AHCTF1: variants seen among roughly 807,000 people sequenced by gnomAD.
AHCTF1 encodes AT-hook containing transcription factor 1.
A neutral mutation model predicts 248.4 loss-of-function variants in AHCTF1; 24 were observed. That is an observed-to-expected ratio of 0.10 (90% CI 0.07 to 0.14). The LOEUF (loss-of-function observed/expected upper bound fraction) is 0.14, where lower values mean the gene tolerates loss of function less well. AHCTF1 is among the 10% of genes least tolerant of loss of function. The probability of loss-of-function intolerance (pLI) is 1.00; values close to 1 mark genes in which losing one functional copy is unlikely to be tolerated. For missense variants in AHCTF1, 2,206 were observed against 2,636.2 expected, an observed-to-expected ratio of 0.84 and a Z score of 3.57; for synonymous variants, 786 against 929.8, an observed-to-expected ratio of 0.85 and a Z score of 2.81.
chr1:246,901,819 C>T lies in AHCTF1; in HGVS notation c.1117+706G>A, dbSNP rs747442353. 1.5e-3 allele frequency among the ~76,000 whole-genome samples: 233 copies of T among 151,976 alleles called. 4 individuals carry two copies. Among genetic ancestry groups the T allele is most frequent in the Admixed American group, 9.8e-4 (15 of 15,266 alleles). ...GACTGGCCTGGGCATCAGAGTGAGACCCCTGTCTCTAAATAAATAAACAAA... is the reference window on the plus strand; with the variant it reads ...GACTGGCCTGGGCATCAGAGTGAGATCCCTGTCTCTAAATAAATAAACAAA... On this transcript the variant is annotated intron_variant, in intron 8 of 35. Coordinates refer to ENST00000648844, the MANE Select transcript of AHCTF1 (RefSeq NM_001323342.2).
At position 246,869,061 on chromosome 1, in the gene AHCTF1, G is replaced by C. The variant is rs761634146; in HGVS notation, c.3089-1250C>G. ...GGGTTTCACCATGTTGGCCAGGATG[G>C]TCTCGATCTCCTGACCTCGTGATCC... On this transcript the variant is annotated intron_variant, in intron 24 of 35. Transcript: ENST00000648844. Among the ~76,000 whole-genome samples the C allele has an allele frequency of 2.0e-5, 3 of 151,430 alleles. No individual in the cohort carries two copies. The South Asian group carries it at 6.3e-4, about 32-fold the overall frequency.
At chr1:246,909,079 A>ATATCTATCTATC (rs10657928) in intron 4 of AHCTF1, among the ~76,000 whole-genome samples, 3,500 of 143,258 alleles carry the variant, frequency 0.024, 64 homozygotes, top group South Asian at 0.031. Flanking sequence ...ATATATATCT[A>ATATCTATCTATC]TATCTATCTA....
At chr1:246,915,643 C>A (rs535013397) in intron 3 of AHCTF1, among the ~76,000 whole-genome samples, 2 of 152,324 alleles carry the variant, frequency 1.3e-5, no homozygotes, top group African/African-American at 4.8e-5. Flanking sequence ...TCCCACTAGA[C>A]TATAAGCTCT....
intron 7 of AHCTF1, among the ~76,000 whole-genome samples, chr1:246,903,138 G>A (rs1192857390): frequency 6.6e-6 from 1 of 152,134 alleles, no homozygotes; most frequent in Non-Finnish European, 1.5e-5. Context: ...CTGATTCCCT[G>A]AAACCCGTTT....
At chr1:246,859,181 C>G (rs1661337989) in intron 29 of AHCTF1, among the ~76,000 whole-genome samples, 1 of 152,164 alleles carries the variant, frequency 6.6e-6, no homozygotes, top group African/African-American at 2.4e-5. Context: ...ATATCGTAGT[C>G]CAAACTTCAG....
At chr1:246,869,024 T>C (rs1353220681) in intron 24 of AHCTF1, among the ~76,000 whole-genome samples, 2 of 151,600 alleles carry the variant, frequency 1.3e-5, no homozygotes, top group East Asian at 1.9e-4. Flanking sequence ...TTTTCTATTT[T>C]TAGTAGAGAC....
Position 246,855,800 on chromosome 1 carries a change from T to C in AHCTF1, c.4284A>G (p.Val1428=), listed in dbSNP as rs574849186. The change falls in exon 31 of 36, where the codon GTA becomes GTG. Residue 1428 remains valine, a synonymous_variant. Coordinates refer to ENST00000648844, the MANE Select transcript of AHCTF1 (RefSeq NM_001323342.2). Reference sequence around the variant, plus strand: ...ATGTTAATCCTTCGTCCAACACTGGTACCTTGGACTTCTGGGTGAAGATTT... The same window carrying C: ...ATGTTAATCCTTCGTCCAACACTGGCACCTTGGACTTCTGGGTGAAGATTT... The part of the protein sequence containing the change: ...EGKIFTQKSK[V]PVLDEGLTSV... 4.3e-6 allele frequency: 7 copies of C among 1,613,304 alleles called. No homozygotes were observed. In the South Asian group the frequency reaches 7.7e-5, roughly 18 times the overall value.
chr1:246,870,574 T>C (rs1053387972), intron 24 of AHCTF1, among the ~76,000 whole-genome samples: 1 of 152,138 alleles, frequency 6.6e-6, no homozygotes, highest in Non-Finnish European at 1.5e-5. Context: ...TGTAAACAGA[T>C]AGAGGGTCTC....
At position 246,863,969 on chromosome 1, in the gene AHCTF1, G is replaced by A. The variant is rs746449054; in HGVS notation, c.3495C>T (p.Ser1165=). Residue 1165 remains serine, a synonymous_variant, in exon 27 of 36, where the codon TCC becomes TCT. Coordinates refer to ENST00000648844, the MANE Select transcript of AHCTF1 (RefSeq NM_001323342.2). The part of the protein sequence containing the change: ...SQLKGSPQAI[S]RASELHLLET... ...CAAGCAAATGTAATTCTGAAGCCCTGGAGATGGCCTGAGGCGATCCTTTTA... is the reference window on the plus strand; with the variant it reads ...CAAGCAAATGTAATTCTGAAGCCCTAGAGATGGCCTGAGGCGATCCTTTTA... 10 of 1,613,968 alleles carry A rather than the reference G, an allele frequency of 6.2e-6. No homozygotes were observed. The highest frequency in any genetic ancestry group is 8.5e-6 in the Non-Finnish European group (10 of 1,179,996).
At chr1:246,865,876 C>T (rs917505710) in intron 26 of AHCTF1, among the ~76,000 whole-genome samples, 2 of 152,130 alleles carry the variant, frequency 1.3e-5, no homozygotes, top group African/African-American at 2.4e-5. Context: ...GATTTCATTA[C>T]TATCTGCAAG....
At chr1:246,917,208 T>A (rs1666210091) in intron 2 of AHCTF1, among the ~76,000 whole-genome samples, 1 of 152,098 alleles carries the variant, frequency 6.6e-6, no homozygotes, top group African/African-American at 2.4e-5. Flanking sequence ...GAAAAGTGGG[T>A]TGACTGGAGA....
At chr1:246,868,863 G>A (rs1024909298) in intron 24 of AHCTF1, among the ~76,000 whole-genome samples, 2 of 90,110 alleles carry the variant, frequency 2.2e-5, no homozygotes, top group Non-Finnish European at 2.4e-5. Context: ...TTTTTTTTTT[G>A]AGATGGAGTC....
intron 6 of AHCTF1, among the ~76,000 whole-genome samples, chr1:246,905,138 T>C (rs1262956522): frequency 6.6e-6 from 1 of 152,210 alleles, no homozygotes; most frequent in African/African-American, 2.4e-5. Context: ...AGAATTGTGT[T>C]GCCTTCACTA....
intron 33 of AHCTF1, 81 bp from the exon 34 acceptor site, chr1:246,844,009 TTA>T (rs1660068728): frequency 9.7e-7 from 1 of 1,031,424 alleles, no homozygotes; most frequent in Non-Finnish European, 1.3e-6. Flanking sequence ...CTGGAACAAA[TTA>T]TGTGTTTTAG....
At chr1:246,926,666 A>T (rs1666937067) in intron 1 of AHCTF1, among the ~76,000 whole-genome samples, 1 of 149,924 alleles carries the variant, frequency 6.7e-6, no homozygotes, top group Admixed American at 6.7e-5. Flanking sequence ...GACCAGCCTC[A>T]CTAACAGGGT....
At chr1:246,897,676 T>C (rs1664683671) in intron 12 of AHCTF1, among the ~76,000 whole-genome samples, 1 of 152,088 alleles carries the variant, frequency 6.6e-6, no homozygotes, top group South Asian at 2.1e-4. Flanking sequence ...ACAGAAAAGG[T>C]ACAGTAAAAA....
At chr1:246,861,631 A>G (rs967467724) in intron 28 of AHCTF1, among the ~76,000 whole-genome samples, 1 of 152,174 alleles carries the variant, frequency 6.6e-6, no homozygotes, top group Non-Finnish European at 1.5e-5. Context: ...ACAACACAAT[A>G]TAAGGTAAAA....
rs1478452776 is a variant in AHCTF1, at chr1:246,930,579, AAC to A, written c.-8+997_-8+998del. 9.6e-5 allele frequency among the ~76,000 whole-genome samples: 14 copies of A among 146,248 alleles called. No individual in the cohort carries two copies. In the South Asian group the frequency reaches 1.7e-3, roughly 18 times the overall value. ...CTCTATCAGTGAAAGCTCACAAAAAAACAGTTTAAAAAAAAAAAAGGGGGGGT... is the reference window on the plus strand; with the variant it reads ...CTCTATCAGTGAAAGCTCACAAAAAAAGTTTAAAAAAAAAAAAGGGGGGGT... On this transcript the variant is annotated intron_variant, in intron 1 of 35. Coordinates refer to ENST00000648844, the MANE Select transcript of AHCTF1 (RefSeq NM_001323342.2).
intron 1 of AHCTF1, among the ~76,000 whole-genome samples, chr1:246,922,382 G>A (rs1666604143): frequency 6.6e-6 from 1 of 151,722 alleles, no homozygotes; most frequent in Admixed American, 6.6e-5. Context: ...AAAGACACGT[G>A]CAAGAAGGCA....
Sources: allele counts gnomAD v4.1 joint callset (sites outside exome capture counted in the v4.1 genomes callset), GRCh38; gene constraint gnomAD v4.1.1; transcripts MANE v1.5; gene names NCBI Gene and HGNC (gene_info 2026-07-23, HGNC 2026-07-21).